COL4A4: variants seen among roughly 807,000 people sequenced by gnomAD.
COL4A4 encodes the protein collagen alpha-4(IV) chain.
Under a neutral mutation model 192.9 loss-of-function variants are expected in COL4A4, and 105 were observed. The observed-to-expected ratio is 0.54, with a 90% CI of 0.46 to 0.64. COL4A4 has a LOEUF of 0.64. Among genes scored for constraint, COL4A4 ranks in the 30% least tolerant of loss-of-function variants. COL4A4 has a pLI of 0.00. For missense variants in COL4A4, 1,967 were observed against 2,169.3 expected (o/e 0.91, Z 1.85); for synonymous variants, 762 against 769.9 (o/e 0.99, Z 0.17).
rs746374430 is a variant in COL4A4 at position 227,008,270 on chromosome 2, C to A, written c.4557G>T (p.Thr1519=). The stretch of plus-strand genomic sequence containing the variant: ...GGATGTTGCAGTAGGCAAAGGGCAG[C>A]GTGCTAAATACGGGAAGGCAAGACC... ...LAGSCLPVFS[T]LPFAYCNIHQ... The change falls in exon 47 of 48, where the codon ACG becomes ACT. Residue 1519 remains threonine, a synonymous_variant. Coordinates refer to ENST00000396625, the MANE Select transcript of COL4A4 (RefSeq NM_000092.5). The A allele has an allele frequency of 3.7e-6, 6 of 1,614,196 alleles. No individual in the cohort carries two copies. The highest frequency in any genetic ancestry group is 5.1e-6 in the Non-Finnish European group (6 of 1,180,020).
At chr2:227,051,961 G>A (rs752658271) in intron 32 of COL4A4, among the ~76,000 whole-genome samples, 1 of 152,060 alleles carries the variant, frequency 6.6e-6, no homozygotes, top group Non-Finnish European at 1.5e-5. Context: ...AGGCCGAGGC[G>A]GGTGGATCAC....
At chr2:227,041,852 A>AAAAGAGAGAGAG (rs1971338814) in intron 37 of COL4A4, among the ~76,000 whole-genome samples, 2 of 71,364 alleles carry the variant, frequency 2.8e-5, no homozygotes, top group Non-Finnish European at 2.8e-5. Flanking sequence ...AAGAAAGAGA[A>AAAAGAGAGAGAG]AGAAAGAAAG....
intron 37 of COL4A4, among the ~76,000 whole-genome samples, chr2:227,041,920 AAG>A (rs954746055): frequency 1.3e-5 from 2 of 151,164 alleles, no homozygotes; most frequent in Non-Finnish European, 3.0e-5. Context: ...GAAAGAAAGA[AAG>A]AAAATGGTAG....
intron 36 of COL4A4, among the ~76,000 whole-genome samples, 191 bp downstream of exon 36, chr2:227,042,886 C>T (rs1971739131): frequency 6.6e-6 from 1 of 152,202 alleles, no homozygotes; most frequent in African/African-American, 2.4e-5. Context: ...TTAATCTACT[C>T]CAAGTCACTC....
the COL4A4 span, among the ~76,000 whole-genome samples, chr2:226,983,821 T>C: frequency 6.6e-6 from 1 of 152,336 alleles, no homozygotes; most frequent in Middle Eastern, 3.4e-3. Context: ...GCCATCTCTC[T>C]GGTTTGAAAC....
At chr2:227,111,785 A>T (rs1372136344) in intron 8 of COL4A4, 72 bp from the exon 9 acceptor site, 6 of 1,497,340 alleles carry the variant, frequency 4.0e-6, no homozygotes, top group Non-Finnish European at 5.6e-6. Context: ...AAAAATAGAA[A>T]TATACACAAA....
chr2:227,089,348 G>T lies in COL4A4; in HGVS notation c.1459+520C>A, dbSNP rs556228815. ...TTTGTCTTAAACAAATGTCTTCAGGGTAGTCAGACTCCTCATCTGTGTTGA... is the reference window on the plus strand; with the variant it reads ...TTTGTCTTAAACAAATGTCTTCAGGTTAGTCAGACTCCTCATCTGTGTTGA... On this transcript the variant is annotated intron_variant, in intron 21 of 47. Coordinates refer to ENST00000396625, the MANE Select transcript of COL4A4 (RefSeq NM_000092.5). Among the ~76,000 whole-genome samples the T allele has an allele frequency of 4.0e-5, 6 of 151,856 alleles. No homozygotes were observed. The South Asian group carries it at 1.2e-3, about 32-fold the overall frequency.
rs2060344712 is a variant in COL4A4, at chr2:227,098,783, G to A, written c.1115C>T (p.Pro372Leu). The change falls in exon 19 of 48, where the codon CCA (proline) becomes CTA (leucine). Residue 372 changes from proline (P) to leucine (L), a missense_variant. Pro to Leu is a moderately conservative substitution (Grantham distance 98). Transcript: ENST00000396625. The stretch of plus-strand genomic sequence containing the variant: ...TTCTCCATAGCGGCCAGGGAACCCT[G>A]GGTCCCCTGGTGGGCCTGCCAAAGA... The part of the protein sequence containing the change: ...PLPLKGPPGD[P>L]GFPGRYGETG... 3 of 1,614,004 alleles carry A rather than the reference G, an allele frequency of 1.9e-6. No homozygotes were observed. Among genetic ancestry groups the A allele is most frequent in the Non-Finnish European group, 2.5e-6 (3 of 1,179,954 alleles).
intron 22 of COL4A4, among the ~76,000 whole-genome samples, chr2:227,084,678 G>A (rs954766979): frequency 6.6e-6 from 1 of 152,154 alleles, no homozygotes; most frequent in Non-Finnish European, 1.5e-5. Context: ...TGAGTACTGA[G>A]AATACAGCAG....
chr2:227,058,250 T>C (rs2150258753), intron 28 of COL4A4, among the ~76,000 whole-genome samples: 1 of 152,178 alleles, frequency 6.6e-6, no homozygotes, highest in East Asian at 1.9e-4. Context: ...TGGTATTCCT[T>C]TGAGAGATAG....
chr2:227,059,556 TG>T lies in COL4A4; in HGVS notation c.2231del (p.Pro744GlnfsTer9). On this transcript the variant is annotated frameshift_variant, in exon 28 of 48. Coordinates refer to ENST00000396625, the MANE Select transcript of COL4A4 (RefSeq NM_000092.5). LOFTEE classifies it high-confidence loss of function. ...TCACTCCTGGTGAGCCGGGAGGGCCTGGGGGCCCAACAGGGGAGGACCCCTT... is the reference window on the plus strand; with the variant it reads ...TCACTCCTGGTGAGCCGGGAGGGCCTGGGGCCCAACAGGGGAGGACCCCTT... ...GEKGSSPVGP[P>X]GPPGSPGVNG... 6.2e-7 allele frequency: 1 copy of T among 1,614,070 alleles called. No individual in the cohort carries two copies. Among genetic ancestry groups the T allele is most frequent in the Non-Finnish European group, 8.5e-7 (1 of 1,179,958 alleles).
At chr2:226,995,559 T>C in the COL4A4 span, 2 of 1,383,508 alleles carry the variant, frequency 1.4e-6, no homozygotes, top group Non-Finnish European at 2.0e-6. Context: ...ATTCGTGTAA[T>C]TATTGCCCAT....
At chr2:227,138,786 A>G (rs2125272847) in intron 4 of COL4A4, among the ~76,000 whole-genome samples, 1 of 152,288 alleles carries the variant, frequency 6.6e-6, no homozygotes, top group East Asian at 1.9e-4. Context: ...TAGGCCAACA[A>G]AGGAACCCAT....
intron 12 of COL4A4, among the ~76,000 whole-genome samples, chr2:227,106,921 G>A (rs1265660220): frequency 6.6e-6 from 1 of 152,224 alleles, no homozygotes; most frequent in East Asian, 1.9e-4. Context: ...ATTAAGGTAA[G>A]CACATTTGAG....
chr2:227,125,101 A>G (rs2062008634), intron 4 of COL4A4, among the ~76,000 whole-genome samples: 1 of 152,216 alleles, frequency 6.6e-6, no homozygotes. Context: ...TGCAGAGGGG[A>G]AAAAAGGCGT....
At chr2:226,970,603 C>G in the COL4A4 span, among the ~76,000 whole-genome samples, 3 of 152,212 alleles carry the variant, frequency 2.0e-5, no homozygotes, top group Non-Finnish European at 4.4e-5. Context: ...AGGTGTGTAG[C>G]ATCAAACATA....
At chr2:227,058,823 C>T (rs1051339613) in intron 28 of COL4A4, among the ~76,000 whole-genome samples, 13 of 152,260 alleles carry the variant, frequency 8.5e-5, no homozygotes, top group African/African-American at 3.1e-4. Context: ...ACCTGAAAAA[C>T]TCCACTGGGG....
At chr2:227,130,258 G>A (rs1316568518) in intron 4 of COL4A4, among the ~76,000 whole-genome samples, 2 of 152,236 alleles carry the variant, frequency 1.3e-5, no homozygotes, top group African/African-American at 4.8e-5. Context: ...GTGTTCTTAA[G>A]AGGCAGCATG....
At position 227,045,861 on chromosome 2, in the gene COL4A4, T is replaced by C. The variant is rs1171548877; in HGVS notation, c.3289+1614A>G. Among the ~76,000 whole-genome samples, 6 of 87,836 alleles carry C rather than the reference T, an allele frequency of 6.8e-5. 1 individual carries two copies. Among genetic ancestry groups the C allele is most frequent in the African/African-American group, 2.1e-4 (4 of 18,720 alleles). The allele number at this position is 87,836 out of a possible 152,430, so 57.6% of individuals were successfully genotyped here. On this transcript the variant is annotated intron_variant, in intron 35 of 47. Transcript: ENST00000396625. ...ACATATATATATACACATATATATA[T>C]ACACATATATATACATATATATGTA...
Sources: allele counts gnomAD v4.1 joint callset (sites outside exome capture counted in the v4.1 genomes callset), GRCh38; gene constraint gnomAD v4.1.1; transcripts MANE v1.5; gene names NCBI Gene and HGNC (gene_info 2026-07-23, HGNC 2026-07-21).